RERG: variants seen among roughly 807,000 people sequenced by gnomAD.
RERG encodes RAS like estrogen regulated growth inhibitor, also known as ras-related and estrogen-regulated growth inhibitor.
In RERG, 25 loss-of-function variants were observed where a neutral mutation model predicts 23.2. The ratio of observed to expected loss-of-function variants is 1.08; its 90% CI spans 0.79 to 1.50. RERG has a LOEUF of 1.50. Ranked by LOEUF, RERG falls within the 40% of genes most tolerant of loss-of-function variation. The probability of loss-of-function intolerance (pLI) is 0.00; values close to 1 mark genes in which losing one functional copy is unlikely to be tolerated. For missense variants in RERG, 253 were observed against 250.1 expected (o/e 1.01, Z -0.08); for synonymous variants, 81 against 89.1 (o/e 0.91, Z 0.51).
chr12:15,217,285 T>C (rs1865452754), intron 2 of RERG, 144 bp downstream of exon 2: 1 of 647,310 alleles, frequency 1.5e-6, no homozygotes, highest in African/African-American at 1.8e-5. Flanking sequence ...ATAAAAGTTC[T>C]AGATGAAGAG....
chr12:15,178,408 A>G (rs1565529519), intron 2 of RERG, among the ~76,000 whole-genome samples: 3 of 152,290 alleles, frequency 2.0e-5, no homozygotes, highest in Admixed American at 2.0e-4. Flanking sequence ...TACACTATGC[A>G]AAAGGTATCA....
At position 15,121,105 on chromosome 12, in the gene RERG, A is replaced by T. The variant is rs1355955237; in HGVS notation, c.76T>A (p.Phe26Ile). ...GVGKSALVVR[F>I]LTKRFIWEYD... Reference sequence around the variant, plus strand: ...TCCCAGATGAACCGTTTGGTCAGAAATCTCACTACAAGAGCTGTGGAAGAA... The same window carrying T: ...TCCCAGATGAACCGTTTGGTCAGAATTCTCACTACAAGAGCTGTGGAAGAA... Residue 26 changes from phenylalanine to isoleucine, a missense_variant, in exon 3 of 5, where the codon TTT becomes ATT. By Grantham distance (21) the Phe-to-Ile change is conservative. Coordinates refer to ENST00000256953, the MANE Select transcript of RERG (RefSeq NM_032918.3). The T allele has an allele frequency of 3.1e-6, 5 of 1,613,408 alleles. No individual in the cohort carries two copies. Among genetic ancestry groups the T allele is most frequent in the Non-Finnish European group, 4.2e-6 (5 of 1,179,478 alleles).
At chr12:15,185,273 T>A (rs1864974155) in intron 2 of RERG, among the ~76,000 whole-genome samples, 1 of 152,174 alleles carries the variant, frequency 6.6e-6, no homozygotes, top group African/African-American at 2.4e-5. Context: ...CTCATATCAA[T>A]CCTCTTTCAC....
intron 2 of RERG, among the ~76,000 whole-genome samples, chr12:15,164,688 T>C (rs1864661944): frequency 6.6e-6 from 1 of 152,234 alleles, no homozygotes; most frequent in African/African-American, 2.4e-5. Flanking sequence ...TTTACTTTGC[T>C]GGGCTTGGAT....
At chr12:15,133,291 T>C (rs1429631307) in intron 2 of RERG, among the ~76,000 whole-genome samples, 1 of 151,836 alleles carries the variant, frequency 6.6e-6, no homozygotes, top group Non-Finnish European at 1.5e-5. Flanking sequence ...ATCGTTTTAC[T>C]GTCACCATAG....
intron 2 of RERG, among the ~76,000 whole-genome samples, chr12:15,157,417 T>G (rs1182994507): frequency 6.6e-6 from 1 of 152,174 alleles, no homozygotes; most frequent in East Asian, 1.9e-4. Context: ...AGCAAGTAAT[T>G]TTTCATATGA....
chr12:15,201,573 T>C (rs2136141295), intron 2 of RERG, among the ~76,000 whole-genome samples: 1 of 149,090 alleles, frequency 6.7e-6, no homozygotes, highest in African/African-American at 2.4e-5. Context: ...ATAATAATAA[T>C]TAGCTAATAT....
chr12:15,150,949 A>T (rs1442162256), intron 2 of RERG, among the ~76,000 whole-genome samples: 2 of 152,164 alleles, frequency 1.3e-5, no homozygotes, highest in East Asian at 3.8e-4. Flanking sequence ...CTCCATACCT[A>T]ATTTGAGACA....
At chr12:15,189,686 G>A (rs1010733852) in intron 2 of RERG, among the ~76,000 whole-genome samples, 3 of 152,070 alleles carry the variant, frequency 2.0e-5, no homozygotes, top group Non-Finnish European at 4.4e-5. Context: ...TATAGTAGGT[G>A]GTAAATAAAC....
At chr12:15,110,455 ATTTTTTTCTTTTTTTTTT>A (rs1253742285) in intron 4 of RERG, among the ~76,000 whole-genome samples, 1 of 59,326 alleles carries the variant, frequency 1.7e-5, no homozygotes. Flanking sequence ...TCCAGTGGCC[ATTTTTTTCTTTTTTTTTT>A]TTTTTTTTTT....
At chr12:15,122,795 T>TTG (rs373534727) in intron 2 of RERG, among the ~76,000 whole-genome samples, 100 of 152,022 alleles carry the variant, frequency 6.6e-4, no homozygotes, top group African/African-American at 2.3e-3. Context: ...GTTGTTTTTT[T>TTG]TTTTGTTTTT....
intron 2 of RERG, among the ~76,000 whole-genome samples, chr12:15,163,123 CT>C (rs1244449349): frequency 6.6e-6 from 1 of 152,180 alleles, no homozygotes; most frequent in African/African-American, 2.4e-5. Context: ...GACTATAGCA[CT>C]TTCTTTTGCA....
At chr12:15,159,489 T>C (rs1050302682) in intron 2 of RERG, among the ~76,000 whole-genome samples, 3 of 152,250 alleles carry the variant, frequency 2.0e-5, no homozygotes, top group African/African-American at 7.2e-5. Context: ...ATAAAAGTTA[T>C]TGATTTGGAC....
chr12:15,141,614 A>G (rs935639351), intron 2 of RERG, among the ~76,000 whole-genome samples: 2 of 152,164 alleles, frequency 1.3e-5, no homozygotes, highest in East Asian at 3.8e-4. Flanking sequence ...GATCTTGCCT[A>G]TGATTTTCTG....
intron 2 of RERG, among the ~76,000 whole-genome samples, chr12:15,160,794 A>G (rs917663779): frequency 6.6e-6 from 1 of 152,146 alleles, no homozygotes; most frequent in African/African-American, 2.4e-5. Flanking sequence ...AAAATACATC[A>G]GGGTTTGCTC....
At chr12:15,169,130 C>A (rs963841463) in intron 2 of RERG, among the ~76,000 whole-genome samples, 4 of 152,146 alleles carry the variant, frequency 2.6e-5, no homozygotes, top group African/African-American at 9.7e-5. Flanking sequence ...CAAACTTAAA[C>A]CTACAAGATC....
At chr12:15,111,451 A>C (rs759127607) in intron 3 of RERG, 34 bp from the exon 4 acceptor site, 1 of 1,518,020 alleles carries the variant, frequency 6.6e-7, no homozygotes, top group Non-Finnish European at 9.1e-7. Flanking sequence ...AGACAAAAAG[A>C]TAAATAAATG....
intron 2 of RERG, among the ~76,000 whole-genome samples, chr12:15,161,615 CTTGA>C (rs1411303208): frequency 1.3e-5 from 2 of 152,174 alleles, no homozygotes; most frequent in Non-Finnish European, 2.9e-5. Flanking sequence ...CACTCATTCA[CTTGA>C]TTGATTATTT....
chr12:15,108,921 A>G lies in RERG; in HGVS notation c.*189T>C, dbSNP rs1437096410. 1.3e-5 allele frequency: 7 copies of G among 556,008 alleles called. No homozygotes were observed. Among genetic ancestry groups the G allele is most frequent in the Non-Finnish European group, 1.9e-5 (6 of 320,272 alleles). The allele number at this position is 556,008 out of a possible 1,614,324, so 34.4% of individuals were successfully genotyped here. On this transcript the variant is annotated 3_prime_UTR_variant, in exon 5 of 5. Coordinates refer to ENST00000256953, the MANE Select transcript of RERG (RefSeq NM_032918.3). ...TGTATCTTATTCAAGCAGGAAAGGA[A>G]GAAATTGTTAGCACTGAAATTGCAT...
Sources: gnomAD v4.1 joint callset for allele counts (sites outside exome capture counted in the v4.1 genomes callset) on GRCh38, gnomAD v4.1.1 for gene constraint, MANE v1.5 for transcripts, NCBI Gene and HGNC (gene_info 2026-07-23, HGNC 2026-07-21) for gene names.